DLGAP2: variants seen among roughly 807,000 people sequenced by gnomAD.
The protein encoded by DLGAP2 is disks large-associated protein 2.
DLGAP2 carries 26 observed loss-of-function variants against 100.3 expected under a neutral mutation model. The observed-to-expected ratio is 0.26, with a 90% confidence interval of 0.19 to 0.36. DLGAP2 has a LOEUF of 0.36. Among genes scored for constraint, DLGAP2 ranks in the 10% least tolerant of loss-of-function variants. The pLI is 1.00. For synonymous variants in DLGAP2, 886 were observed against 630.1 expected, an observed-to-expected ratio of 1.41 and a Z score of -6.08; for missense variants, 1,858 against 1,453.2, an observed-to-expected ratio of 1.28 and a Z score of -4.53.
At chr8:1,634,617 T>C (rs1018534447) in intron 8 of DLGAP2, among the ~76,000 whole-genome samples, 8 of 152,206 alleles carry the variant, frequency 5.3e-5, no homozygotes, top group African/African-American at 1.4e-4. Context: ...AATGATTGCA[T>C]TGAAAAACAG....
intron 2 of DLGAP2, among the ~76,000 whole-genome samples, chr8:1,192,479 G>A (rs1382063514): frequency 6.6e-6 from 1 of 151,846 alleles, no homozygotes; most frequent in African/African-American, 2.4e-5. Context: ...TGCAGTCACC[G>A]TGATGAGCAA....
At chr8:1,072,849 G>T (rs1047826239) in intron 2 of DLGAP2, among the ~76,000 whole-genome samples, 1 of 152,344 alleles carries the variant, frequency 6.6e-6, no homozygotes, top group Admixed American at 6.5e-5. Flanking sequence ...TGCCGGGAAG[G>T]TTTCGGGGAG....
chr8:739,281 G>A (rs956705207), intron 1 of DLGAP2: 1 of 152,260 alleles, frequency 6.6e-6, no homozygotes, highest in Admixed American at 6.5e-5. Flanking sequence ...CCTGGGGCGC[G>A]GCGGACAGAG....
At chr8:1,427,732 G>T (rs957373024) in intron 3 of DLGAP2, among the ~76,000 whole-genome samples, 2 of 152,180 alleles carry the variant, frequency 1.3e-5, no homozygotes, top group Non-Finnish European at 2.9e-5. Context: ...CTGCTGCCAT[G>T]TGAGACATGC....
chr8:1,293,253 C>T (rs139735706), intron 3 of DLGAP2, among the ~76,000 whole-genome samples: 33 of 152,356 alleles, frequency 2.2e-4, no homozygotes, highest in Middle Eastern at 3.4e-3. Flanking sequence ...CCCTCTCCCT[C>T]TCCTGGTGCA....
chr8:1,450,940 T>G (rs1163877717), intron 3 of DLGAP2, among the ~76,000 whole-genome samples: 3 of 152,194 alleles, frequency 2.0e-5, no homozygotes, highest in African/African-American at 7.2e-5. Context: ...TCTCTTTGTA[T>G]AATTTCTCTA....
chr8:1,182,998 C>A (rs990641444), intron 2 of DLGAP2, among the ~76,000 whole-genome samples: 1 of 152,160 alleles, frequency 6.6e-6, no homozygotes, highest in African/African-American at 2.4e-5. Context: ...GGGGCCAGTT[C>A]CTGGAAGTGT....
intron 2 of DLGAP2, among the ~76,000 whole-genome samples, chr8:1,229,117 A>G (rs1399102990): frequency 6.6e-6 from 1 of 152,192 alleles, no homozygotes; most frequent in Non-Finnish European, 1.5e-5. Context: ...AATTGCATGC[A>G]TGTATACTGC....
In DLGAP2 at chr8:1,548,806, C is replaced by T. The variant is rs773620794; in HGVS notation, c.353C>T (p.Pro118Leu). The change falls in exon 5 of 15, where the codon CCG (proline) becomes CTG (leucine). Residue 118 changes from proline (P) to leucine (L), a missense_variant. Coordinates refer to ENST00000637795, the MANE Select transcript of DLGAP2 (RefSeq NM_001346810.2). The stretch of plus-strand genomic sequence containing the variant: ...CTGCACCACGGGCCCGACGCGCGGC[C>T]GCCCTACCTGCTGAGCCCCGCCGAC... The part of the protein sequence containing the change: ...EHLHHGPDAR[P>L]PYLLSPADSC... 1.3e-6 allele frequency: 2 copies of T among 1,579,252 alleles called. No individual in the cohort carries two copies. Among genetic ancestry groups the T allele is most frequent in the African/African-American group, 2.7e-5 (2 of 74,124 alleles).
intron 2 of DLGAP2, among the ~76,000 whole-genome samples, chr8:984,163 A>T (rs993694986): frequency 1.3e-5 from 2 of 152,126 alleles, no homozygotes; most frequent in African/African-American, 4.8e-5. Context: ...TATGGAAAGA[A>T]TCTTGAATTG....
chr8:1,105,373 G>A (rs1209902923), intron 2 of DLGAP2, among the ~76,000 whole-genome samples: 1 of 152,188 alleles, frequency 6.6e-6, no homozygotes, highest in Non-Finnish European at 1.5e-5. Flanking sequence ...TGAAGGAGGA[G>A]ATAGTGCTGG....
chr8:1,525,886 T>G (rs1800776277), intron 4 of DLGAP2, among the ~76,000 whole-genome samples: 1 of 152,148 alleles, frequency 6.6e-6, no homozygotes, highest in Non-Finnish European at 1.5e-5. Flanking sequence ...TGTCTTGGCT[T>G]TGTCTGTAAA....
intron 7 of DLGAP2, among the ~76,000 whole-genome samples, chr8:1,629,386 G>A (rs1797588587): frequency 6.6e-6 from 1 of 152,184 alleles, no homozygotes; most frequent in African/African-American, 2.4e-5. Context: ...CAAGTCCTGG[G>A]CAAATGGGAA....
At chr8:1,626,674 C>T (rs1255774193) in intron 6 of DLGAP2, 66 bp from the exon 7 acceptor site, 1 of 1,541,578 alleles carries the variant, frequency 6.5e-7, no homozygotes, top group Non-Finnish European at 8.8e-7. Context: ...GTTGGATGGT[C>T]ATTCCCACCT....
chr8:982,456 C>T (rs1448599352), intron 2 of DLGAP2, among the ~76,000 whole-genome samples: 2 of 152,164 alleles, frequency 1.3e-5, no homozygotes, highest in East Asian at 3.8e-4. Context: ...AGTGACTTCT[C>T]TGTGCCTAGA....
At position 1,497,226 on chromosome 8, in the gene DLGAP2, T is replaced by G. The variant is rs1584955755; in HGVS notation, c.107-4140T>G. 2.6e-5 allele frequency among the ~76,000 whole-genome samples: 4 copies of G among 152,242 alleles called. No individual in the cohort carries two copies. In the Middle Eastern group the frequency reaches 0.01, roughly 388 times the overall value. On this transcript the variant is annotated intron_variant, in intron 3 of 14. Transcript: ENST00000637795. ...CAAGACTTCTCAGTCAAAGGCACGT[T>G]TTGTTTTGGCGATGGAAATGTGAGG...
intron 2 of DLGAP2, among the ~76,000 whole-genome samples, chr8:1,111,811 G>A (rs1410143562): frequency 6.6e-6 from 1 of 152,130 alleles, no homozygotes; most frequent in African/African-American, 2.4e-5. Flanking sequence ...TGTCATTGCT[G>A]GGCATTTAAG....
chr8:1,414,767 C>T (rs988077617), intron 3 of DLGAP2, among the ~76,000 whole-genome samples: 4 of 152,290 alleles, frequency 2.6e-5, no homozygotes, highest in East Asian at 1.9e-4. Flanking sequence ...CCAACACTTT[C>T]GGAGGCCAAG....
At chr8:757,074 C>A (rs989748319) in intron 1 of DLGAP2, among the ~76,000 whole-genome samples, 3 of 152,318 alleles carry the variant, frequency 2.0e-5, no homozygotes, top group Admixed American at 1.3e-4. Context: ...GGCCTTTGCA[C>A]ATGCTGCACC....
Sources: allele counts gnomAD v4.1 joint callset (sites outside exome capture counted in the v4.1 genomes callset), GRCh38; gene constraint gnomAD v4.1.1; transcripts MANE v1.5; gene names NCBI Gene and HGNC (gene_info 2026-07-23, HGNC 2026-07-21).